The following SPRED2 variants were observed in gnomAD, a reference collection of about 807,000 sequenced individuals.
SPRED2 encodes the protein sprouty related EVH1 domain containing 2.
SPRED2 carries 47 observed loss-of-function variants against 43.0 expected under a neutral mutation model. The observed-to-expected ratio is 1.09, with a 90% CI of 0.87 to 1.40. SPRED2 has a LOEUF of 1.40. Among genes scored for constraint, SPRED2 ranks in the 40% most tolerant of loss-of-function variants. The probability of loss-of-function intolerance (pLI) is 0.00; values close to 1 mark genes in which losing one functional copy is unlikely to be tolerated. For missense variants in SPRED2, 561 were observed against 586.4 expected (o/e 0.96, Z 0.45); for synonymous variants, 225 against 225.7 (o/e 1.00, Z 0.03).
chr2:65,401,678 T>TA (rs1675891579), intron 1 of SPRED2, among the ~76,000 whole-genome samples: 1 of 151,612 alleles, frequency 6.6e-6, no homozygotes, highest in African/African-American at 2.4e-5. Context: ...GGCGCGCCTG[T>TA]AGTCCCAGCC....
At chr2:65,379,528 G>C (rs1321853997) in intron 1 of SPRED2, among the ~76,000 whole-genome samples, 1 of 152,172 alleles carries the variant, frequency 6.6e-6, no homozygotes, top group African/African-American at 2.4e-5. Flanking sequence ...ATAGATTCTG[G>C]TGTCATTCTC....
At chr2:65,345,326 C>T (rs1366792855) in intron 1 of SPRED2, among the ~76,000 whole-genome samples, 5 of 140,804 alleles carry the variant, frequency 3.6e-5, no homozygotes, top group African/African-American at 7.9e-5. Context: ...TGTAATGGCG[C>T]GATGTCGGCT....
intron 1 of SPRED2, among the ~76,000 whole-genome samples, chr2:65,401,681 T>C (rs1398436598): frequency 6.6e-6 from 1 of 151,650 alleles, no homozygotes; most frequent in Non-Finnish European, 1.5e-5. Flanking sequence ...GCGCCTGTAG[T>C]CCCAGCCACT....
Position 65,313,875 on chromosome 2 carries a change from CCCGGGAGGGCT to C in SPRED2, c.872_882del (p.Gln291ArgfsTer76). The C allele has an allele frequency of 6.2e-7, 1 of 1,610,518 alleles. No individual in the cohort carries two copies. The highest frequency in any genetic ancestry group is 8.5e-7 in the Non-Finnish European group (1 of 1,179,816). On this transcript the variant is annotated frameshift_variant, in exon 6 of 6. Transcript: ENST00000356388. LOFTEE classifies it high-confidence loss of function. ...TCCTCCTTCCGCCGCCGCGACTTGC[CCCGGGAGGGCT>C]GCGTCTTGATCACGCTGCCCCCGCG...
chr2:65,431,910 C>A, intron 1 of SPRED2, 52 bp downstream of exon 1: 3 of 1,608,156 alleles, frequency 1.9e-6, no homozygotes, highest in Non-Finnish European at 1.7e-6. Flanking sequence ...CAGCCCCGGC[C>A]CCCACGCTGC....
In SPRED2 at chr2:65,339,421, C is replaced by G. The variant is rs1038797180; in HGVS notation, c.205-4648G>C. 1.1e-4 allele frequency among the ~76,000 whole-genome samples: 16 copies of G among 151,468 alleles called. No homozygotes were observed. The East Asian group carries it at 1.8e-3, about 17-fold the overall frequency. On this transcript the variant is annotated intron_variant, in intron 2 of 5. Transcript: ENST00000356388. ...CCTTGGGATCCTGTTGATCTATGAC[C>G]TTACCCCCAACCCTGTGCTCTCTGA...
At chr2:65,418,635 C>T (rs1676345142) in intron 1 of SPRED2, among the ~76,000 whole-genome samples, 1 of 151,994 alleles carries the variant, frequency 6.6e-6, no homozygotes, top group Non-Finnish European at 1.5e-5. Flanking sequence ...CTCACTGCAA[C>T]CTCCGTCTCC....
chr2:65,318,694 C>T (rs1051441329), intron 4 of SPRED2, among the ~76,000 whole-genome samples: 13 of 152,032 alleles, frequency 8.6e-5, no homozygotes, highest in South Asian at 2.1e-4. Flanking sequence ...GTATTTGGGA[C>T]AGGATTTTGC....
intron 1 of SPRED2, among the ~76,000 whole-genome samples, chr2:65,380,013 G>A (rs578144119): frequency 6.6e-6 from 1 of 152,308 alleles, no homozygotes; most frequent in East Asian, 1.9e-4. Flanking sequence ...AGGAGGTTGA[G>A]TGCTTCTTAC....
intron 2 of SPRED2, among the ~76,000 whole-genome samples, chr2:65,338,894 A>AGCGTCT (rs1452844522): frequency 1.3e-5 from 2 of 150,846 alleles, no homozygotes; most frequent in Non-Finnish European, 3.0e-5. Context: ...GGAAGTGAGG[A>AGCGTCT]GCGTCTCTGC....
chr2:65,346,065 C>T (rs1326748711), intron 1 of SPRED2, among the ~76,000 whole-genome samples: 3 of 152,158 alleles, frequency 2.0e-5, no homozygotes, highest in South Asian at 4.1e-4. Context: ...AAAGAACCCC[C>T]ATTATTCCCT....
chr2:65,341,962 T>C (rs896512027), intron 2 of SPRED2, among the ~76,000 whole-genome samples: 3 of 151,860 alleles, frequency 2.0e-5, no homozygotes, highest in African/African-American at 7.2e-5. Context: ...TATAAAAATA[T>C]ACTTGCAGCA....
rs1572826088 is a variant in SPRED2 at position 65,313,423 on chromosome 2, G to T, written c.*78C>A. The T allele has an allele frequency of 1.6e-5, 24 of 1,525,126 alleles. No individual in the cohort carries two copies. The East Asian group carries it at 5.4e-4, about 34-fold the overall frequency. 94.5% of individuals were successfully genotyped at this position (1,525,126 alleles called of 1,614,324 possible). A position where few individuals can be genotyped will look rare whatever the true frequency, so the allele number is the denominator to read the frequency against. ...TCCTCGCTCCTTGGAGTGGAAGGGA[G>T]CGGGGGAGAAGATGAGAGTATGTAA... On this transcript the variant is annotated 3_prime_UTR_variant, in exon 6 of 6. Coordinates refer to ENST00000356388, the MANE Select transcript of SPRED2 (RefSeq NM_181784.3).
chr2:65,430,246 A>G (rs1676646238), intron 1 of SPRED2, among the ~76,000 whole-genome samples: 1 of 152,206 alleles, frequency 6.6e-6, no homozygotes, highest in African/African-American at 2.4e-5. Context: ...TTAAGATGCT[A>G]TATACGAAGA....
At chr2:65,397,510 G>A (rs2103708181) in intron 1 of SPRED2, among the ~76,000 whole-genome samples, 1 of 151,974 alleles carries the variant, frequency 6.6e-6, no homozygotes, top group East Asian at 1.9e-4. Flanking sequence ...CCTAAACCAA[G>A]ATAATTTCTT....
chr2:65,322,252 CTCTCTCTCTCTCTCTCTCTATA>C (rs1385877147), intron 4 of SPRED2, among the ~76,000 whole-genome samples: 1 of 76,352 alleles, frequency 1.3e-5, no homozygotes, highest in South Asian at 4.1e-4. Flanking sequence ...CTCTCTCTCT[CTCTCTCTCTCTCTCTCTCTATA>C]TATATATATA....
intron 4 of SPRED2, among the ~76,000 whole-genome samples, chr2:65,321,423 G>A: frequency 6.7e-6 from 1 of 149,068 alleles, no homozygotes; most frequent in African/African-American, 2.5e-5. Context: ...TGTAATCCCA[G>A]CGCTTTGGGA....
chr2:65,324,890 C>T (rs1673561848), intron 4 of SPRED2, among the ~76,000 whole-genome samples: 1 of 152,194 alleles, frequency 6.6e-6, no homozygotes, highest in Non-Finnish European at 1.5e-5. Flanking sequence ...CTATGCGCAT[C>T]CCTTCAAGTC....
At chr2:65,363,213 T>C (rs1261554729) in intron 1 of SPRED2, among the ~76,000 whole-genome samples, 1 of 118,220 alleles carries the variant, frequency 8.5e-6, no homozygotes, top group Non-Finnish European at 1.7e-5. Flanking sequence ...CACTCCACCC[T>C]GGGCAATAAG....
Sources: gnomAD v4.1 joint callset for allele counts (sites outside exome capture counted in the v4.1 genomes callset) on GRCh38, gnomAD v4.1.1 for gene constraint, MANE v1.5 for transcripts, NCBI Gene and HGNC (gene_info 2026-07-23, HGNC 2026-07-21) for gene names.